The following KAT7 variants were observed in gnomAD, a reference collection of about 807,000 sequenced individuals.
The protein encoded by KAT7 is lysine acetyltransferase 7, also known as histone acetyltransferase KAT7.
Under a neutral mutation model 82.1 loss-of-function variants are expected in KAT7, and 10 were observed. The observed-to-expected ratio is 0.12, with a 90% CI of 0.08 to 0.21. The LOEUF is 0.21. KAT7 is among the 10% of genes least tolerant of loss of function. The probability of loss-of-function intolerance (pLI) is 1.00; values close to 1 mark genes in which losing one functional copy is unlikely to be tolerated. For missense variants in KAT7, 378 were observed against 760.9 expected (o/e 0.50, Z 5.92); for synonymous variants, 250 against 262.5 (o/e 0.95, Z 0.46).
Position 49,791,915 on chromosome 17 carries a change from C to G in KAT7, c.45C>G (p.Thr15=), listed in dbSNP as rs771520735. 1.3e-5 allele frequency: 21 copies of G among 1,613,958 alleles called. No individual in the cohort carries two copies. The highest frequency in any genetic ancestry group is 1.7e-5 in the Non-Finnish European group (20 of 1,179,978). The change falls in exon 2 of 15, where the codon ACC becomes ACG. Residue 15 remains threonine (T), a synonymous_variant. Coordinates refer to ENST00000259021, the MANE Select transcript of KAT7 (RefSeq NM_007067.5). The stretch of plus-strand genomic sequence containing the variant: ...ATGCAGGCAGTAGTTCAGATGGAAC[C>G]GAAGATTCCGATTTTTCTACAGATC... The part of the protein sequence containing the change: ...KRNAGSSSDG[T]EDSDFSTDLE...
intron 3 of KAT7, 97 bp downstream of exon 3, chr17:49,797,023 C>A: frequency 1.1e-6 from 1 of 906,724 alleles, no homozygotes; most frequent in Non-Finnish European, 1.7e-6. Context: ...ATGCCTAATA[C>A]TTCAGCTAGA....
At chr17:49,822,304 T>C (rs2074314282) in intron 11 of KAT7, among the ~76,000 whole-genome samples, 1 of 151,942 alleles carries the variant, frequency 6.6e-6, no homozygotes, top group Admixed American at 6.6e-5. Flanking sequence ...CTTGACTCAC[T>C]GCACCCTCTG....
chr17:49,806,808 A>G (rs1409972783), intron 5 of KAT7, among the ~76,000 whole-genome samples: 3 of 152,266 alleles, frequency 2.0e-5, no homozygotes, highest in Non-Finnish European at 2.9e-5. Flanking sequence ...AAACATTTCT[A>G]TCTTGAATTT....
chr17:49,798,599 T>A, intron 4 of KAT7, 41 bp downstream of exon 4: 1 of 1,556,528 alleles, frequency 6.4e-7, no homozygotes, highest in Non-Finnish European at 8.7e-7. Flanking sequence ...TGTTCTGTGG[T>A]TCTCTCTCCC....
rs1306226953 is a variant in KAT7 at position 49,832,498 on chromosome 17, C to A, written c.*4996C>A. The A allele has an allele frequency of 6.6e-6, 1 of 152,208 alleles. No homozygotes were observed. Among genetic ancestry groups the A allele is most frequent in the East Asian group, 1.9e-4 (1 of 5,196 alleles). 9.4% of individuals were successfully genotyped at this position (152,208 alleles called of 1,614,324 possible). ...TTTAAAAATCACCCTTGTAAATATG[C>A]ACACATTTGTCTATAGTTGAGGAAA... On this transcript the variant is annotated 3_prime_UTR_variant, in exon 15 of 15. Transcript: ENST00000259021.
At chr17:49,795,133 T>C (rs1203348763) in intron 2 of KAT7, among the ~76,000 whole-genome samples, 1 of 152,066 alleles carries the variant, frequency 6.6e-6, no homozygotes, top group African/African-American at 2.4e-5. Flanking sequence ...AAATATACTT[T>C]AGAGAGGATT....
At chr17:49,804,764 T>A (rs1009447169) in intron 4 of KAT7, among the ~76,000 whole-genome samples, 2 of 152,092 alleles carry the variant, frequency 1.3e-5, no homozygotes, top group Non-Finnish European at 2.9e-5. Context: ...CATAAAAAAA[T>A]TTTTTAAAGT....
At chr17:49,793,123 T>G (rs1042479346) in intron 2 of KAT7, among the ~76,000 whole-genome samples, 7 of 152,188 alleles carry the variant, frequency 4.6e-5, no homozygotes, top group Admixed American at 1.3e-4. Context: ...TGTAAATGCA[T>G]TTTTAACTTA....
intron 5 of KAT7, 103 bp downstream of exon 5, chr17:49,805,548 G>C (rs867132941): frequency 1.4e-6 from 1 of 705,720 alleles, no homozygotes; most frequent in Non-Finnish European, 2.4e-6. Context: ...AGATGGGTAG[G>C]GTCCTTGTTC....
intron 2 of KAT7, 66 bp from the exon 3 acceptor site, chr17:49,796,684 T>C: frequency 7.7e-7 from 1 of 1,295,920 alleles, no homozygotes; most frequent in South Asian, 1.5e-5. Context: ...TCTGATAAAT[T>C]ATATGGATAG....
At chr17:49,821,887 T>A (rs2074308032) in intron 11 of KAT7, 97 bp downstream of exon 11, 5 of 1,087,810 alleles carry the variant, frequency 4.6e-6, no homozygotes, top group Middle Eastern at 4.0e-4. Context: ...GAAGCTGTAC[T>A]CTGGGCAATG....
intron 8 of KAT7, among the ~76,000 whole-genome samples, chr17:49,817,151 T>G (rs1333578042): frequency 6.6e-6 from 1 of 152,186 alleles, no homozygotes; most frequent in Non-Finnish European, 1.5e-5. Flanking sequence ...TAAATCAAGT[T>G]TTTTGTTTAG....
In KAT7 at chr17:49,821,258, C is replaced by A. The variant is rs7223189; in HGVS notation, c.1156-79C>A. The A allele has an allele frequency of 5.6e-3, 5,789 of 1,025,890 alleles. 210 individuals are homozygous for A. In the African/African-American group the frequency reaches 0.081, roughly 14 times the overall value. The allele number at this position is 1,025,890 out of a possible 1,614,324, so 63.5% of individuals were successfully genotyped here. On this transcript the variant is annotated intron_variant, in intron 9 of 14. Transcript: ENST00000259021. ...GGTAGCTCAGTTAACCACATTTGAC[C>A]TGTCATTCCTTTTCCCTTTTGAGGA...
At chr17:49,792,085 C>A (rs190799652) in intron 2 of KAT7, 52 bp downstream of exon 2, 1 of 1,565,424 alleles carries the variant, frequency 6.4e-7, no homozygotes, top group South Asian at 1.1e-5. Context: ...GCTGACTGGC[C>A]CATCACATTA....
At position 49,821,615 on chromosome 17, in the gene KAT7, T is replaced by TTTA. The variant is rs1389017706; in HGVS notation, c.1246-35_1246-34insTTA. 4.3e-6 allele frequency: 7 copies of TTTA among 1,611,298 alleles called. No individual in the cohort carries two copies. The African/African-American group carries it at 9.4e-5, about 22-fold the overall frequency. On this transcript the variant is annotated intron_variant, in intron 10 of 14. Coordinates refer to ENST00000259021, the MANE Select transcript of KAT7 (RefSeq NM_007067.5). ...AGGCCTTTATCTGTTTAGGAATCAG[T>TTTA]GGCCCACACATGAACTCTGTTTCTC...
At chr17:49,822,964 G>A (rs2074324660) in intron 11 of KAT7, among the ~76,000 whole-genome samples, 1 of 152,166 alleles carries the variant, frequency 6.6e-6, no homozygotes, top group South Asian at 2.1e-4. Context: ...GCTGTCAGGA[G>A]CCCAGAGTCA....
chr17:49,819,504 C>T (rs935621255), intron 9 of KAT7, among the ~76,000 whole-genome samples: 3 of 152,020 alleles, frequency 2.0e-5, no homozygotes, highest in South Asian at 2.1e-4. Flanking sequence ...TTTTCCTTTT[C>T]GTTTCTGGTT....
intron 4 of KAT7, among the ~76,000 whole-genome samples, chr17:49,804,504 C>T (rs758246118): frequency 8.6e-5 from 13 of 151,736 alleles, no homozygotes; most frequent in Non-Finnish European, 1.9e-4. Flanking sequence ...CTGTTTCAGG[C>T]GTGGCTCATG....
chr17:49,813,000 C>CTTTTTTTTTTTTTTTTTT (rs34339283), intron 7 of KAT7, among the ~76,000 whole-genome samples: 1 of 102,796 alleles, frequency 9.7e-6, no homozygotes, highest in Non-Finnish European at 2.0e-5. Flanking sequence ...TGCACCCAGC[C>CTTTTTTTTTTTTTTTTTT]TTTTTTTTTT....
Sources: gnomAD v4.1 joint callset for allele counts (sites outside exome capture counted in the v4.1 genomes callset) on GRCh38, gnomAD v4.1.1 for gene constraint, MANE v1.5 for transcripts, NCBI Gene and HGNC (gene_info 2026-07-23, HGNC 2026-07-21) for gene names.